The following RIMKLB variants were observed in gnomAD, a reference collection of about 807,000 sequenced individuals.
RIMKLB encodes ribosomal modification protein rimK like family member B.
A neutral mutation model predicts 32.0 loss-of-function variants in RIMKLB; 7 were observed. The observed-to-expected ratio is 0.22, with a 90% confidence interval of 0.12 to 0.41. RIMKLB has a LOEUF of 0.41. RIMKLB is among the 10% of genes least tolerant of loss of function. The pLI, the probability that RIMKLB is intolerant of heterozygous loss-of-function variation, is 1.00. For synonymous variants in RIMKLB, 172 were observed against 185.1 expected (o/e 0.93, Z 0.57); for missense variants, 289 against 498.7 (o/e 0.58, Z 4.00).
intron 1 of RIMKLB, among the ~76,000 whole-genome samples, chr12:8,683,997 C>A (rs531276505): frequency 9.9e-5 from 15 of 152,188 alleles, no homozygotes; most frequent in Admixed American, 3.3e-4. Flanking sequence ...AACCACCCCC[C>A]TCGGCTTCCC....
intron 5 of RIMKLB, among the ~76,000 whole-genome samples, chr12:8,755,474 CTT>C (rs1256911459): frequency 6.6e-6 from 1 of 152,174 alleles, no homozygotes; most frequent in African/African-American, 2.4e-5. Context: ...TGGTCCCTCT[CTT>C]TTCTTATACC....
intron 1 of RIMKLB, among the ~76,000 whole-genome samples, chr12:8,682,776 AAAAAAT>A (rs1161798993): frequency 7.1e-6 from 1 of 141,290 alleles, no homozygotes; most frequent in Non-Finnish European, 1.5e-5. Context: ...CCGCCTCAAA[AAAAAAT>A]AAAAATAAAA....
intron 1 of RIMKLB, among the ~76,000 whole-genome samples, chr12:8,713,164 T>G (rs1363514771): frequency 3.9e-5 from 6 of 152,178 alleles, no homozygotes; most frequent in African/African-American, 1.4e-4. Context: ...ATAAATGAAA[T>G]TTAGTGAATA....
chr12:8,738,525 C>T (rs973600513), intron 2 of RIMKLB, among the ~76,000 whole-genome samples: 2 of 152,170 alleles, frequency 1.3e-5, no homozygotes, highest in African/African-American at 4.8e-5. Flanking sequence ...TGTCTTCTTT[C>T]CTGGACAGTA....
chr12:8,703,310 A>G (rs942775264), intron 1 of RIMKLB, among the ~76,000 whole-genome samples: 1 of 152,086 alleles, frequency 6.6e-6, no homozygotes, highest in African/African-American at 2.4e-5. Flanking sequence ...AAAGAAAAAG[A>G]GAAATGTTGT....
intron 2 of RIMKLB, among the ~76,000 whole-genome samples, chr12:8,714,837 A>G (rs1944673158): frequency 6.6e-6 from 1 of 152,224 alleles, no homozygotes; most frequent in Non-Finnish European, 1.5e-5. Flanking sequence ...AAAATACTTC[A>G]TAATTTAATG....
chr12:8,747,275 A>T (rs771381239), intron 2 of RIMKLB, among the ~76,000 whole-genome samples: 1 of 152,202 alleles, frequency 6.6e-6, no homozygotes, highest in African/African-American at 2.4e-5. Context: ...CTGACCAACC[A>T]TATCTTTTAC....
At chr12:8,707,184 GAC>G (rs1385275449) in intron 1 of RIMKLB, among the ~76,000 whole-genome samples, 1 of 152,092 alleles carries the variant, frequency 6.6e-6, no homozygotes, top group East Asian at 1.9e-4. Flanking sequence ...TCTAATTTCT[GAC>G]ACTGTCTCCC....
intron 3 of RIMKLB, among the ~76,000 whole-genome samples, chr12:8,750,598 C>T (rs1948536807): frequency 6.6e-6 from 1 of 151,360 alleles, no homozygotes; most frequent in Admixed American, 6.6e-5. Context: ...GTAGGTGTAG[C>T]AATGCTTTCG....
At position 8,767,188 on chromosome 12, in the gene RIMKLB, A is replaced by G. The variant is rs1302463738; in HGVS notation, c.698-6133A>G. Among the ~76,000 whole-genome samples, 3 of 152,350 alleles carry G rather than the reference A, an allele frequency of 2.0e-5. No individual in the cohort carries two copies. The East Asian group carries it at 5.8e-4, about 29-fold the overall frequency. ...CCTGGCTTTTAAAGGAATAGGGCAC[A>G]CTGTTTTTCCTTTACTACTTCTATC... On this transcript the variant is annotated intron_variant, in intron 5 of 5. Coordinates refer to ENST00000535829, the MANE Select transcript of RIMKLB (RefSeq NM_001297776.2).
intron 4 of RIMKLB, among the ~76,000 whole-genome samples, chr12:8,753,559 T>C (rs894341023): frequency 6.6e-6 from 1 of 152,214 alleles, no homozygotes; most frequent in Non-Finnish European, 1.5e-5. Context: ...CATGTTTTAA[T>C]TCAGAGATAA....
chr12:8,734,691 G>A (rs990395763), intron 2 of RIMKLB, among the ~76,000 whole-genome samples: 3 of 152,090 alleles, frequency 2.0e-5, no homozygotes, highest in Non-Finnish European at 4.4e-5. Context: ...CCATAGTATT[G>A]TGTAGCTTCT....
At chr12:8,674,706 T>C in the RIMKLB span, among the ~76,000 whole-genome samples, 1,923 of 149,924 alleles carry the variant, frequency 0.013, 59 homozygotes, top group African/African-American at 0.044. Flanking sequence ...TGTGACACCA[T>C]GCCCAACTAA....
At chr12:8,763,203 G>T (rs927182735) in intron 5 of RIMKLB, among the ~76,000 whole-genome samples, 15 of 152,178 alleles carry the variant, frequency 9.9e-5, no homozygotes, top group Non-Finnish European at 2.1e-4. Context: ...CACTACATCA[G>T]TTTCCTTACT....
At chr12:8,716,611 AAG>A (rs1448763624) in intron 2 of RIMKLB, among the ~76,000 whole-genome samples, 1 of 150,148 alleles carries the variant, frequency 6.7e-6, no homozygotes, top group Non-Finnish European at 1.5e-5. Context: ...TAGTAAAAGA[AAG>A]AGAAAGGAGA....
At position 8,710,152 on chromosome 12, in the gene RIMKLB, A is replaced by ATTT. The variant is rs769890560; in HGVS notation, c.-56-3649_-56-3647dup. Reference sequence around the variant, plus strand: ...CAAGCATGCACCAACACACCCGGCTATTTTTTTTTTTTGTATTTTTAGTAG... The same window carrying ATTT: ...CAAGCATGCACCAACACACCCGGCTATTTTTTTTTTTTTTTGTATTTTTAGTAG... On this transcript the variant is annotated intron_variant, in intron 1 of 5. Transcript: ENST00000535829. Among the ~76,000 whole-genome samples the ATTT allele has an allele frequency of 2.4e-3, 342 of 141,552 alleles. 4 individuals carry two copies. Among genetic ancestry groups the ATTT allele is most frequent in the African/African-American group, 8.5e-3 (330 of 38,998 alleles). 92.9% of individuals were successfully genotyped at this position (141,552 alleles called of 152,430 possible).
At chr12:8,726,567 A>T (rs916315235) in intron 2 of RIMKLB, among the ~76,000 whole-genome samples, 2 of 151,786 alleles carry the variant, frequency 1.3e-5, no homozygotes, top group Non-Finnish European at 2.9e-5. Context: ...AGCATGGTAT[A>T]TCTTTCTCTA....
At chr12:8,766,731 C>G (rs1386733544) in intron 5 of RIMKLB, among the ~76,000 whole-genome samples, 2 of 152,190 alleles carry the variant, frequency 1.3e-5, no homozygotes, top group African/African-American at 2.4e-5. Context: ...TAGGTCTGGT[C>G]AGACCTTTGT....
At chr12:8,671,146 C>G in the RIMKLB span, among the ~76,000 whole-genome samples, 1 of 152,080 alleles carries the variant, frequency 6.6e-6, no homozygotes, top group Admixed American at 6.5e-5. Context: ...TGACATGGCC[C>G]GGAGACATTT....
Sources: allele counts gnomAD v4.1 joint callset (sites outside exome capture counted in the v4.1 genomes callset), GRCh38; gene constraint gnomAD v4.1.1; transcripts MANE v1.5; gene names NCBI Gene and HGNC (gene_info 2026-07-23, HGNC 2026-07-21).